ZNF347: variants seen among roughly 807,000 people sequenced by gnomAD.
ZNF347 encodes zinc finger protein 347.
Under a neutral mutation model 12.9 loss-of-function variants are expected in ZNF347, and 19 were observed. The ratio of observed to expected loss-of-function variants is 1.47; its 90% CI spans 1.03 to 2.16. The LOEUF is 2.16. Ranked by LOEUF, ZNF347 falls within the 30% of genes most tolerant of loss-of-function variation. The probability of loss-of-function intolerance (pLI) is 0.00; values close to 1 mark genes in which losing one functional copy is unlikely to be tolerated. For missense variants in ZNF347, 1,005 were observed against 990.6 expected, an observed-to-expected ratio of 1.01 and a Z score of -0.19; for synonymous variants, 328 against 340.6, an observed-to-expected ratio of 0.96 and a Z score of 0.41.
In ZNF347 at chr19:53,138,591, T is replaced by C. The variant is rs1167104600; in HGVS notation, c.*1717A>G. The C allele has an allele frequency of 1.3e-5, 2 of 152,148 alleles. No homozygotes were observed. The highest frequency in any genetic ancestry group is 1.5e-5 in the Non-Finnish European group (1 of 68,040). 9.4% of individuals were successfully genotyped at this position (152,148 alleles called of 1,614,324 possible). On this transcript the variant is annotated 3_prime_UTR_variant, in exon 5 of 5. Transcript: ENST00000334197. ...TTCTATGGGATTTTCATTATATCCA[T>C]ATAAATATTCTAAGGCAGAGTGTAG... is the stretch of plus-strand genomic sequence containing the variant.
At chr19:53,155,322 G>T (rs866503895) in intron 1 of ZNF347, among the ~76,000 whole-genome samples, 1 of 149,004 alleles carries the variant, frequency 6.7e-6, no homozygotes. Context: ...GTGTGTGTGT[G>T]TGTGTGTGTG....
chr19:53,139,967 C>T lies in ZNF347; in HGVS notation c.*341G>A, dbSNP rs1200506214. On this transcript the variant is annotated 3_prime_UTR_variant, in exon 5 of 5. Transcript: ENST00000334197. ...CCAGGATGGAGTGCATTGGCACGAT[C>T]TTGGCTCACTGCAACCTCCGCCTCC... 2 of 193,588 alleles carry T rather than the reference C, an allele frequency of 1.0e-5. No homozygotes were observed. Among genetic ancestry groups the T allele is most frequent in the East Asian group, 2.6e-4 (2 of 7,680 alleles). 12.0% of individuals were successfully genotyped at this position (193,588 alleles called of 1,614,324 possible).
intron 4 of ZNF347, among the ~76,000 whole-genome samples, chr19:53,143,244 T>C (rs1302415334): frequency 6.6e-6 from 1 of 152,178 alleles, no homozygotes; most frequent in Admixed American, 6.5e-5. Flanking sequence ...TTTTTTATTA[T>C]ACTTTAAGTT....
chr19:53,135,296 CTAAATATATATATATATA>C lies in ZNF347; in HGVS notation c.*4994_*5011del, dbSNP rs2090378824. The C allele has an allele frequency of 1.8e-5, 1 of 56,744 alleles. No individual in the cohort carries two copies. The highest frequency in any genetic ancestry group is 7.9e-4 in the South Asian group (1 of 1,272). The allele number at this position is 56,744 out of a possible 1,614,324, so 3.5% of individuals were successfully genotyped here. ...GTCTCTTCATAGTTCTACCCATTTT[CTAAATATATATATATATA>C]TATATATATATATATATATATATAT... On this transcript the variant is annotated 3_prime_UTR_variant, in exon 5 of 5. Transcript: ENST00000334197.
chr19:53,148,817 T>C lies in ZNF347; in HGVS notation c.143-8A>G, dbSNP rs1185120163. ...GGTCAAAACAAGAGATTCCTGCTTA[T>C]GAAAAGAAAGGAAAACAATGGGCTG... is the stretch of plus-strand genomic sequence containing the variant. On this transcript the variant is annotated splice_region_variant and splice_polypyrimidine_tract_variant and intron_variant, in intron 3 of 4. Coordinates refer to ENST00000334197, the MANE Select transcript of ZNF347 (RefSeq NM_032584.3). The C allele has an allele frequency of 4.3e-6, 7 of 1,611,986 alleles. No homozygotes were observed. The highest frequency in any genetic ancestry group is 2.2e-5 in the South Asian group (2 of 90,784).
In ZNF347 at chr19:53,141,320, T is replaced by C. The variant is rs1313266505; in HGVS notation, c.1508A>G (p.His503Arg). 1.9e-6 allele frequency: 3 copies of C among 1,613,726 alleles called. No homozygotes were observed. The highest frequency in any genetic ancestry group is 2.5e-6 in the Non-Finnish European group (3 of 1,179,940). Residue 503 changes from histidine to arginine, a missense_variant, in exon 5 of 5, where the codon CAT becomes CGT. His to Arg is a conservative substitution (Grantham distance 29). Coordinates refer to ENST00000334197, the MANE Select transcript of ZNF347 (RefSeq NM_032584.3). ...AFRAHSNLTT[H>R]QVIHTGEKPY... ...CTTTTCTCCAGTATGGATGACCTGA[T>C]GGGTAGTTAGGTTTGAATGTGCTCT... is the stretch of plus-strand genomic sequence containing the variant.
At position 53,135,325 on chromosome 19, in the gene ZNF347, T is replaced by TAGAGAGAGAG. The variant is rs2090380386; in HGVS notation, c.*4982_*4983insCTCTCTCTCT. ...ATATATATATATATATATATATATA[T>TAGAGAGAGAG]ATATATATATATATAGAGAGAGAGA... On this transcript the variant is annotated 3_prime_UTR_variant, in exon 5 of 5. Coordinates refer to ENST00000334197, the MANE Select transcript of ZNF347 (RefSeq NM_032584.3). 3 of 45,914 alleles carry TAGAGAGAGAG rather than the reference T, an allele frequency of 6.5e-5. No individual in the cohort carries two copies. The highest frequency in any genetic ancestry group is 2.2e-4 in the African/African-American group (3 of 13,840). The allele number at this position is 45,914 out of a possible 1,614,324, so 2.8% of individuals were successfully genotyped here. A position where few individuals can be genotyped will look rare whatever the true frequency, so the allele number is the denominator to read the frequency against.
rs1287346785 is a variant in ZNF347 at position 53,135,321 on chromosome 19, TATATATATATATATATATAGAGAG to T, written c.*4963_*4986del. On this transcript the variant is annotated 3_prime_UTR_variant, in exon 5 of 5. Transcript: ENST00000334197. ...CTAAATATATATATATATATATATATATATATATATATATATATAGAGAGAGAGAGAGAGAGAGAGAGAGAGAAA... is the reference window on the plus strand; with the variant it reads ...CTAAATATATATATATATATATATATAGAGAGAGAGAGAGAGAGAGAGAAA... 26 of 62,088 alleles carry T rather than the reference TATATATATATATATATATAGAGAG, an allele frequency of 4.2e-4. No homozygotes were observed. Among genetic ancestry groups the T allele is most frequent in the South Asian group, 1.7e-3 (3 of 1,750 alleles). The allele number at this position is 62,088 out of a possible 1,614,324, so 3.8% of individuals were successfully genotyped here.
intron 4 of ZNF347, among the ~76,000 whole-genome samples, chr19:53,148,382 C>A (rs150171294): frequency 1.1e-3 from 166 of 152,168 alleles, no homozygotes; most frequent in African/African-American, 3.7e-3. Flanking sequence ...ATGAAATAAC[C>A]CTTTTGTAAC....
chr19:53,154,889 G>A (rs2090521802), intron 1 of ZNF347, among the ~76,000 whole-genome samples: 1 of 151,082 alleles, frequency 6.6e-6, no homozygotes, highest in Non-Finnish European at 1.5e-5. Flanking sequence ...GCTCTTAAAC[G>A]GAGCATAGAA....
chr19:53,141,015 C>T lies in ZNF347; in HGVS notation c.1813G>A (p.Val605Ile), dbSNP rs2090420786. 6.2e-7 allele frequency: 1 copy of T among 1,613,518 alleles called. No individual in the cohort carries two copies. Among genetic ancestry groups the T allele is most frequent in the Non-Finnish European group, 8.5e-7 (1 of 1,179,954 alleles). The change falls in exon 5 of 5, where the codon GTC (valine) becomes ATC (isoleucine). Residue 605 changes from valine (V) to isoleucine (I), a missense_variant. By Grantham distance (29) the Val-to-Ile change is conservative. Coordinates refer to ENST00000334197, the MANE Select transcript of ZNF347 (RefSeq NM_032584.3). ...GAAAGGTATGAATTATGCCTAAAGA[C>T]CTTGCCACATTCATTACATTTATAA... ...KPYKCNECGK[V>I]FRHNSYLSRH...
chr19:53,140,970 T>C lies in ZNF347; in HGVS notation c.1858A>G (p.Thr620Ala), dbSNP rs2090420182. ...TTATACTTGTAAGGTTTCTCTCCAGTATGAATTCGCTGATGCCTTGAAAGG... is the reference window on the plus strand; with the variant it reads ...TTATACTTGTAAGGTTTCTCTCCAGCATGAATTCGCTGATGCCTTGAAAGG... The part of the protein sequence containing the change: ...SYLSRHQRIH[T>A]GEKPYKYNEY... The change falls in exon 5 of 5, where the codon ACT becomes GCT. Residue 620 changes from threonine to alanine, a missense_variant. Physicochemically the swap from Thr to Ala is moderately conservative, Grantham distance 58. Coordinates refer to ENST00000334197, the MANE Select transcript of ZNF347 (RefSeq NM_032584.3). The C allele has an allele frequency of 5.0e-6, 8 of 1,613,944 alleles. No homozygotes were observed. The highest frequency in any genetic ancestry group is 1.7e-5 in the Admixed American group (1 of 59,994).
At chr19:53,153,442 C>T (rs2090511726) in intron 2 of ZNF347, among the ~76,000 whole-genome samples, 2 of 152,250 alleles carry the variant, frequency 1.3e-5, no homozygotes, top group South Asian at 4.2e-4. Flanking sequence ...CTGAACAATC[C>T]CTGCTGCCCA....
chr19:53,157,236 T>C (rs1006902126), intron 1 of ZNF347, among the ~76,000 whole-genome samples: 1 of 152,172 alleles, frequency 6.6e-6, no homozygotes, highest in Non-Finnish European at 1.5e-5. Context: ...TGCAACTGCA[T>C]AATTTAAGTA....
At position 53,134,990 on chromosome 19, in the gene ZNF347, G is replaced by A. The variant is rs997988429; in HGVS notation, c.*5318C>T. 3 of 152,106 alleles carry A rather than the reference G, an allele frequency of 2.0e-5. No homozygotes were observed. The highest frequency in any genetic ancestry group is 7.2e-5 in the African/African-American group (3 of 41,416). The allele number at this position is 152,106 out of a possible 1,614,324, so 9.4% of individuals were successfully genotyped here. On this transcript the variant is annotated 3_prime_UTR_variant, in exon 5 of 5. Coordinates refer to ENST00000334197, the MANE Select transcript of ZNF347 (RefSeq NM_032584.3). ...AGTTACCACAATCACAATGATATAT[G>A]AAGATAAACCATTTAAAAATTACAA... is the stretch of plus-strand genomic sequence containing the variant.
rs2090512729 is a variant in ZNF347 at position 53,153,598 on chromosome 19, G to A, written c.15+135C>T. The A allele has an allele frequency of 2.5e-5, 36 of 1,453,908 alleles. No homozygotes were observed. In the South Asian group the frequency reaches 4.1e-4, roughly 16 times the overall value. 90.1% of individuals were successfully genotyped at this position (1,453,908 alleles called of 1,614,324 possible). On this transcript the variant is annotated intron_variant, in intron 2 of 4. Coordinates refer to ENST00000334197, the MANE Select transcript of ZNF347 (RefSeq NM_032584.3). Reference sequence around the variant, plus strand: ...GAATCTAAGTGAGATGAGAGGGACTGAGGGAAGGCACGCGTAAGTGCGAGC... The same window carrying A: ...GAATCTAAGTGAGATGAGAGGGACTAAGGGAAGGCACGCGTAAGTGCGAGC...
rs1436561957 is a variant in ZNF347, at chr19:53,135,097, C to T, written c.*5211G>A. ...GTTACTGTAGCATCATCATTAAAAG[C>T]TTTGTCTTTGCAACCAGACAACATG... On this transcript the variant is annotated 3_prime_UTR_variant, in exon 5 of 5. Coordinates refer to ENST00000334197, the MANE Select transcript of ZNF347 (RefSeq NM_032584.3). The T allele has an allele frequency of 1.3e-5, 2 of 151,880 alleles. No individual in the cohort carries two copies. Among genetic ancestry groups the T allele is most frequent in the Non-Finnish European group, 2.9e-5 (2 of 68,000 alleles). The allele number at this position is 151,880 out of a possible 1,614,324, so 9.4% of individuals were successfully genotyped here.
intron 1 of ZNF347, among the ~76,000 whole-genome samples, chr19:53,157,867 C>G (rs926776994): frequency 5.3e-5 from 8 of 152,308 alleles, no homozygotes; most frequent in African/African-American, 1.9e-4. Flanking sequence ...TCCTTCATGT[C>G]TCTGGACATC....
At position 53,136,830 on chromosome 19, in the gene ZNF347, G is replaced by T. The variant is rs1202349901; in HGVS notation, c.*3478C>A. 6.6e-6 allele frequency: 1 copy of T among 152,196 alleles called. No individual in the cohort carries two copies. Among genetic ancestry groups the T allele is most frequent in the African/African-American group, 2.4e-5 (1 of 41,454 alleles). The allele number at this position is 152,196 out of a possible 1,614,324, so 9.4% of individuals were successfully genotyped here. ...ATGGGCCCTATGGGTTCAGCAGAAA[G>T]GAAGAGTATTATCTACTATTATGAA... On this transcript the variant is annotated 3_prime_UTR_variant, in exon 5 of 5. Coordinates refer to ENST00000334197, the MANE Select transcript of ZNF347 (RefSeq NM_032584.3).
Sources: gnomAD v4.1 joint callset for allele counts (sites outside exome capture counted in the v4.1 genomes callset) on GRCh38, gnomAD v4.1.1 for gene constraint, MANE v1.5 for transcripts, NCBI Gene and HGNC (gene_info 2026-07-23, HGNC 2026-07-21) for gene names.